CTNNA2: variants seen among roughly 807,000 people sequenced by gnomAD.
CTNNA2 encodes catenin alpha 2, also known as catenin alpha-2.
In CTNNA2, 42 loss-of-function variants were observed where a neutral mutation model predicts 101.0. The observed-to-expected ratio is 0.42, with a 90% CI of 0.32 to 0.54. CTNNA2 has a LOEUF of 0.54. CTNNA2 is among the 20% of genes least tolerant of loss of function. CTNNA2 has a pLI of 0.14. For missense variants in CTNNA2, 871 were observed against 1,223.1 expected (o/e 0.71, Z 4.29); for synonymous variants, 450 against 456.4 (o/e 0.99, Z 0.18).
rs533060004 is a variant in CTNNA2 at position 80,463,085 on chromosome 2, C to A, written c.1290+43484C>A. Reference sequence around the variant, plus strand: ...AGTTGGCGCTGTGATGCGATGCTTACTTGACTGTTTATGCCTCCATCTCTG... The same window carrying A: ...AGTTGGCGCTGTGATGCGATGCTTAATTGACTGTTTATGCCTCCATCTCTG... On this transcript the variant is annotated intron_variant, in intron 9 of 18. Transcript: ENST00000402739. Among the ~76,000 whole-genome samples the A allele has an allele frequency of 2.0e-5, 3 of 152,274 alleles. No individual in the cohort carries two copies. The East Asian group carries it at 5.8e-4, about 29-fold the overall frequency.
intron 7 of CTNNA2, among the ~76,000 whole-genome samples, chr2:80,157,761 A>C (rs72926639): frequency 0.14 from 21,242 of 151,952 alleles, 3,731 homozygotes; most frequent in African/African-American, 0.42. Context: ...GACATGTGCT[A>C]TCCCTTGACA....
intron 2 of CTNNA2, among the ~76,000 whole-genome samples, chr2:79,287,948 T>C (rs1675662602): frequency 6.6e-6 from 1 of 152,240 alleles, no homozygotes; most frequent in South Asian, 2.1e-4. Context: ...TATAATCTCC[T>C]GATGCGCTGT....
At chr2:80,585,153 A>G (rs1695870546) in intron 14 of CTNNA2, among the ~76,000 whole-genome samples, 1 of 152,194 alleles carries the variant, frequency 6.6e-6, no homozygotes, top group African/African-American at 2.4e-5. Flanking sequence ...TTGGGGACCC[A>G]TAGACGTTAA....
chr2:80,047,022 C>A (rs1178336484), intron 7 of CTNNA2, among the ~76,000 whole-genome samples: 3 of 152,048 alleles, frequency 2.0e-5, no homozygotes, highest in African/African-American at 7.2e-5. Flanking sequence ...GCACTGCTAC[C>A]CCCAGTTGCG....
intron 7 of CTNNA2, among the ~76,000 whole-genome samples, chr2:80,144,546 T>G (rs1703213155): frequency 6.6e-6 from 1 of 152,174 alleles, no homozygotes; most frequent in Admixed American, 6.5e-5. Flanking sequence ...CTGGAACACT[T>G]AGAGGACGGT....
chr2:79,244,804 A>C (rs2104261912), intron 2 of CTNNA2, among the ~76,000 whole-genome samples: 1 of 152,326 alleles, frequency 6.6e-6, no homozygotes, highest in Middle Eastern at 3.4e-3. Flanking sequence ...GTTATCTGTA[A>C]AGAAATCAGG....
At chr2:79,827,176 T>C (rs1054019895) in intron 3 of CTNNA2, among the ~76,000 whole-genome samples, 1 of 151,938 alleles carries the variant, frequency 6.6e-6, no homozygotes, top group East Asian at 1.9e-4. Flanking sequence ...GTAGCTAGGA[T>C]TACAGGCGCC....
At chr2:80,227,775 G>T (rs2149067550) in intron 7 of CTNNA2, among the ~76,000 whole-genome samples, 1 of 152,224 alleles carries the variant, frequency 6.6e-6, no homozygotes, top group Non-Finnish European at 1.5e-5. Flanking sequence ...TGACTTGTCT[G>T]AGAGATCCAG....
intron 9 of CTNNA2, among the ~76,000 whole-genome samples, chr2:80,454,687 A>G (rs2149462119): frequency 6.6e-6 from 1 of 152,304 alleles, no homozygotes; most frequent in Non-Finnish European, 1.5e-5. Context: ...CTTGCTTATT[A>G]GTTCTGCCGG....
Position 79,730,275 on chromosome 2 carries a change from A to T in CTNNA2, c.103-14112A>T, listed in dbSNP as rs924702829. ...GCTATATGTGTAATGAGCTGAGCATACCTGGAGAACACTTAGTATTTAACA... is the reference window on the plus strand; with the variant it reads ...GCTATATGTGTAATGAGCTGAGCATTCCTGGAGAACACTTAGTATTTAACA... On this transcript the variant is annotated intron_variant, in intron 2 of 18. Transcript: ENST00000402739. 1.8e-4 allele frequency among the ~76,000 whole-genome samples: 28 copies of T among 152,116 alleles called. 1 individual carries two copies. Among genetic ancestry groups the T allele is most frequent in the Admixed American group, 1.0e-3 (16 of 15,252 alleles).
chr2:79,323,271 G>A (rs1413589061), intron 3 of CTNNA2, among the ~76,000 whole-genome samples: 1 of 152,128 alleles, frequency 6.6e-6, no homozygotes, highest in Non-Finnish European at 1.5e-5. Flanking sequence ...TTTGTCTAAA[G>A]AGTCAAGAAA....
intron 7 of CTNNA2, among the ~76,000 whole-genome samples, chr2:79,997,002 G>A (rs1471535486): frequency 6.6e-6 from 1 of 152,078 alleles, no homozygotes; most frequent in Non-Finnish European, 1.5e-5. Context: ...GACATGGTAG[G>A]GGCCAGAGTA....
chr2:80,377,654 T>G (rs958987258), intron 7 of CTNNA2, among the ~76,000 whole-genome samples: 1 of 152,188 alleles, frequency 6.6e-6, no homozygotes, highest in Non-Finnish European at 1.5e-5. Context: ...TAAAATGAGA[T>G]AACATTGATT....
At chr2:79,556,097 C>T (rs1442134937) in intron 1 of CTNNA2, among the ~76,000 whole-genome samples, 1 of 151,808 alleles carries the variant, frequency 6.6e-6, no homozygotes, top group African/African-American at 2.4e-5. Flanking sequence ...GTAATATATC[C>T]TCCTCCATAT....
rs377444935 is a variant in CTNNA2, at chr2:79,481,250, C to T, written c.-134-23804C>T. Among the ~76,000 whole-genome samples the T allele has an allele frequency of 7.2e-5, 11 of 152,132 alleles. No individual in the cohort carries two copies. In the East Asian group the frequency reaches 1.2e-3, roughly 16 times the overall value. Reference sequence around the variant, plus strand: ...CTGAGGAAGGTGCCTCTAAATTTGTCGTCTAGCAAAATACATTCTAAAATT... The same window carrying T: ...CTGAGGAAGGTGCCTCTAAATTTGTTGTCTAGCAAAATACATTCTAAAATT... On this transcript the variant is annotated intron_variant, in intron 4 of 21. Transcript: ENST00000466387.
At chr2:79,187,392 A>C (rs1002397347) in intron 1 of CTNNA2, among the ~76,000 whole-genome samples, 4 of 151,196 alleles carry the variant, frequency 2.6e-5, no homozygotes, top group South Asian at 4.2e-4. Flanking sequence ...CAGTGGCGCA[A>C]TCTCAGCTCA....
chr2:80,053,814 AT>A (rs542214914), intron 7 of CTNNA2, among the ~76,000 whole-genome samples: 5 of 152,228 alleles, frequency 3.3e-5, no homozygotes, highest in African/African-American at 1.2e-4. Flanking sequence ...ATTTCATTAC[AT>A]TTTCCAGTCT....
intron 5 of CTNNA2, among the ~76,000 whole-genome samples, chr2:79,870,245 A>G (rs1377535750): frequency 6.6e-6 from 1 of 152,170 alleles, no homozygotes; most frequent in Non-Finnish European, 1.5e-5. Context: ...AATAAAAAAT[A>G]TTAAACTGTG....
At chr2:80,202,623 G>A (rs763988632) in intron 7 of CTNNA2, among the ~76,000 whole-genome samples, 3 of 151,672 alleles carry the variant, frequency 2.0e-5, no homozygotes, top group South Asian at 2.1e-4. Flanking sequence ...AAGGCACTTT[G>A]GAATGTCCAT....
Sources: allele counts gnomAD v4.1 joint callset (sites outside exome capture counted in the v4.1 genomes callset), GRCh38; gene constraint gnomAD v4.1.1; transcripts MANE v1.5; gene names NCBI Gene and HGNC (gene_info 2026-07-23, HGNC 2026-07-21).